Variants in KLF8 observed in about 807,000 individuals in gnomAD.
KLF8 encodes KLF transcription factor 8, also known as Krueppel-like factor 8.
In KLF8, 10 loss-of-function variants were observed where a neutral mutation model predicts 18.2. That is an observed-to-expected ratio of 0.55 (90% CI 0.34 to 0.93). The LOEUF (loss-of-function observed/expected upper bound fraction) is 0.93, where lower values mean the gene tolerates loss of function less well. KLF8 is among the 40% of genes least tolerant of loss of function. The pLI is 0.02. For synonymous variants in KLF8, 109 were observed against 97.3 expected, an observed-to-expected ratio of 1.12 and a Z score of -0.71; for missense variants, 264 against 277.9, an observed-to-expected ratio of 0.95 and a Z score of 0.36.
chrX:56,045,632 G>A, the KLF8 span, among the ~76,000 whole-genome samples: 62 of 111,489 alleles, frequency 5.6e-4, no homozygotes, highest in South Asian at 0.021. Flanking sequence ...CCTTGGTTAG[G>A]TATATTACTA....
At chrX:56,005,844 G>C in the KLF8 span, among the ~76,000 whole-genome samples, 1 of 111,359 alleles carries the variant, frequency 9.0e-6, no homozygotes, top group Non-Finnish European at 1.9e-5. Context: ...GCTGGTGTGT[G>C]GTGGTGGAGG....
the KLF8 span, among the ~76,000 whole-genome samples, chrX:56,031,744 C>T: frequency 0.012 from 1,296 of 111,471 alleles, 17 homozygotes; most frequent in African/African-American, 0.04. Context: ...GCGGACAAAA[C>T]CCCACAGACA....
chrX:56,087,161 G>A, the KLF8 span, among the ~76,000 whole-genome samples: 1 of 111,296 alleles, frequency 9.0e-6, no homozygotes, highest in African/African-American at 3.3e-5. Flanking sequence ...AAGTTTGGCT[G>A]TATTCTTTCA....
At chrX:56,101,623 C>CATCT in the KLF8 span, among the ~76,000 whole-genome samples, 7 of 111,957 alleles carry the variant, frequency 6.3e-5, no homozygotes, top group Non-Finnish European at 1.1e-4. Context: ...GCCTCACCAG[C>CATCT]ATCTGTTAAT....
At chrX:56,151,382 C>G in the KLF8 span, among the ~76,000 whole-genome samples, 3 of 111,259 alleles carry the variant, frequency 2.7e-5, no homozygotes, top group African/African-American at 9.8e-5. Flanking sequence ...GTGGTTATTG[C>G]AAGTACAGAC....
chrX:56,131,765 T>C, the KLF8 span, among the ~76,000 whole-genome samples: 1 of 111,277 alleles, frequency 9.0e-6, no homozygotes, highest in South Asian at 3.8e-4. Flanking sequence ...AGGACACACA[T>C]AAACTTAAGG....
At chrX:56,218,104 C>T in the KLF8 span, among the ~76,000 whole-genome samples, 3 of 111,591 alleles carry the variant, frequency 2.7e-5, no homozygotes, top group African/African-American at 9.8e-5. Flanking sequence ...AAACCTGTAC[C>T]TGTGCCTGCA....
the KLF8 span, among the ~76,000 whole-genome samples, chrX:56,130,098 G>T: frequency 9.1e-6 from 1 of 109,997 alleles, no homozygotes; most frequent in Admixed American, 9.7e-5. Context: ...ATATTATCTT[G>T]GGAGTTCTAA....
chrX:55,934,727 G>C, the KLF8 span, among the ~76,000 whole-genome samples: 2 of 112,094 alleles, frequency 1.8e-5, no homozygotes, highest in East Asian at 5.6e-4. Context: ...TTCGTGCAAG[G>C]GATGATGCCA....
the KLF8 span, among the ~76,000 whole-genome samples, chrX:55,929,783 GT>G: frequency 1.8e-5 from 2 of 108,760 alleles, no homozygotes; most frequent in African/African-American, 6.8e-5. Flanking sequence ...ATGTAGTGTA[GT>G]TTGAAGTCAG....
chrX:55,940,634 G>A, the KLF8 span, among the ~76,000 whole-genome samples: 1 of 111,599 alleles, frequency 9.0e-6, no homozygotes, highest in Admixed American at 9.5e-5. Flanking sequence ...AAACCCCATT[G>A]TCTCAGCCCA....
the KLF8 span, among the ~76,000 whole-genome samples, chrX:55,994,748 GA>G: frequency 1.8e-5 from 2 of 111,788 alleles, no homozygotes; most frequent in African/African-American, 6.5e-5. Context: ...TCTTGGTATT[GA>G]TTTCTATGTT....
At chrX:56,114,401 G>A in the KLF8 span, among the ~76,000 whole-genome samples, 2 of 112,834 alleles carry the variant, frequency 1.8e-5, no homozygotes, top group Non-Finnish European at 3.7e-5. Context: ...GCTCTGCTGC[G>A]AACTTACTGG....
At chrX:55,914,428 T>A in the KLF8 span, among the ~76,000 whole-genome samples, 1 of 112,029 alleles carries the variant, frequency 8.9e-6, no homozygotes, top group African/African-American at 3.2e-5. Flanking sequence ...TTACTTAATA[T>A]ATGCCATGGA....
the KLF8 span, among the ~76,000 whole-genome samples, chrX:55,939,343 A>T: frequency 1.8e-5 from 2 of 111,894 alleles, no homozygotes; most frequent in Non-Finnish European, 3.8e-5. Flanking sequence ...CAAAGACACA[A>T]CATAACCAGA....
chrX:55,970,860 A>G, the KLF8 span, among the ~76,000 whole-genome samples: 1 of 111,298 alleles, frequency 9.0e-6, no homozygotes. Flanking sequence ...AACCAAAGAA[A>G]TGAAAGATCT....
rs2067304500 is a variant in KLF8, at chrX:56,289,772, A to G, written c.*5278A>G. On this transcript the variant is annotated 3_prime_UTR_variant, in exon 6 of 6. Transcript: ENST00000468660. ...ATACCCATGGGAAACAACTTTATCA[A>G]CTACAGCACAGTGTGTATGTACATA... Among the ~76,000 whole-genome samples the G allele has an allele frequency of 9.0e-6, 1 of 111,459 alleles. No homozygotes were observed. Among genetic ancestry groups the G allele is most frequent in the Non-Finnish European group, 1.9e-5 (1 of 53,092 alleles).
At chrX:55,944,260 A>G in the KLF8 span, among the ~76,000 whole-genome samples, 3 of 105,986 alleles carry the variant, frequency 2.8e-5, no homozygotes, top group African/African-American at 6.8e-5. Context: ...TTTTTGCATC[A>G]ATGTTCATCA....
the KLF8 span, among the ~76,000 whole-genome samples, chrX:56,103,278 T>C: frequency 2.7e-5 from 3 of 110,867 alleles, no homozygotes; most frequent in East Asian, 2.9e-4. Context: ...GGGGATAGCA[T>C]TGAATCTATA....
Sources: gnomAD v4.1 joint callset for allele counts (sites outside exome capture counted in the v4.1 genomes callset) on GRCh38, gnomAD v4.1.1 for gene constraint, MANE v1.5 for transcripts, NCBI Gene and HGNC (gene_info 2026-07-23, HGNC 2026-07-21) for gene names.